Variants in SPIDR observed in about 807,000 individuals in gnomAD.
SPIDR encodes scaffold protein involved in DNA repair, also known as DNA repair-scaffolding protein.
Under a neutral mutation model 104.6 loss-of-function variants are expected in SPIDR, and 93 were observed. The ratio of observed to expected loss-of-function variants is 0.89; its 90% CI spans 0.75 to 1.06. SPIDR has a LOEUF of 1.06. Among genes scored for constraint, SPIDR ranks in the 50% least tolerant of loss-of-function variants. The pLI is 0.00. For missense variants in SPIDR, 1,154 were observed against 1,111.2 expected (o/e 1.04, Z -0.55); for synonymous variants, 431 against 416.9 (o/e 1.03, Z -0.41).
At chr8:47,592,279 G>A in intron 8 of SPIDR, 3 of 1,165,430 alleles carry the variant, frequency 2.6e-6, no homozygotes, top group South Asian at 2.4e-5. Context: ...ACAAGGCCTG[G>A]GTTGATAGCA....
intron 10 of SPIDR, among the ~76,000 whole-genome samples, chr8:47,645,343 G>A (rs1427232251): frequency 6.6e-6 from 1 of 152,122 alleles, no homozygotes; most frequent in Non-Finnish European, 1.5e-5. Flanking sequence ...GGAAGTGGGG[G>A]CTCAAGGATG....
intron 7 of SPIDR, among the ~76,000 whole-genome samples, chr8:47,424,652 G>A (rs529739685): frequency 6.6e-6 from 1 of 151,934 alleles, no homozygotes; most frequent in Non-Finnish European, 1.5e-5. Context: ...AACCTTCTTT[G>A]TTATACAGGA....
chr8:47,325,171 A>G (rs1563624061), intron 5 of SPIDR, among the ~76,000 whole-genome samples: 3 of 152,298 alleles, frequency 2.0e-5, no homozygotes, highest in African/African-American at 7.2e-5. Context: ...AAAAATGAAG[A>G]TGGAGATTTT....
At chr8:47,507,022 A>G (rs1190609663) in intron 8 of SPIDR, among the ~76,000 whole-genome samples, 4 of 152,168 alleles carry the variant, frequency 2.6e-5, no homozygotes, top group African/African-American at 9.7e-5. Flanking sequence ...GAGTGAGACA[A>G]GCATTCATAG....
chr8:47,287,191 G>A (rs2039008848), intron 3 of SPIDR, among the ~76,000 whole-genome samples: 1 of 150,466 alleles, frequency 6.6e-6, no homozygotes, highest in Non-Finnish European at 1.5e-5. Context: ...ATGCTTCAAA[G>A]GGCAAAAAGG....
intron 8 of SPIDR, among the ~76,000 whole-genome samples, chr8:47,499,913 A>G (rs553330120): frequency 3.0e-4 from 46 of 151,846 alleles, no homozygotes; most frequent in African/African-American, 1.1e-3. Context: ...TGTCCTTGCG[A>G]TAGTTTGCTG....
At chr8:47,573,414 A>G (rs1378612626) in intron 8 of SPIDR, among the ~76,000 whole-genome samples, 2 of 152,204 alleles carry the variant, frequency 1.3e-5, no homozygotes, top group Non-Finnish European at 2.9e-5. Context: ...ATAAGGCAGG[A>G]AGGTCAGAGT....
intron 14 of SPIDR, 25 bp downstream of exon 14, chr8:47,702,040 A>T (rs747250881): frequency 7.2e-7 from 1 of 1,379,444 alleles, no homozygotes; most frequent in Non-Finnish European, 9.4e-7. Context: ...CAATCTCTCA[A>T]TCTCTCAGCC....
intron 8 of SPIDR, among the ~76,000 whole-genome samples, chr8:47,524,381 A>G (rs777000387): frequency 2.0e-5 from 3 of 152,164 alleles, no homozygotes; most frequent in Non-Finnish European, 4.4e-5. Context: ...CCAGATTAAA[A>G]TGTGTGTATT....
chr8:47,290,366 TA>T (rs2039688516), intron 3 of SPIDR, among the ~76,000 whole-genome samples: 1 of 152,154 alleles, frequency 6.6e-6, no homozygotes, highest in African/African-American at 2.4e-5. Flanking sequence ...GGTGTAGCTA[TA>T]AAAAGGTAAT....
At chr8:47,582,440 C>G (rs368261452) in intron 8 of SPIDR, among the ~76,000 whole-genome samples, 2 of 152,050 alleles carry the variant, frequency 1.3e-5, no homozygotes, top group Admixed American at 1.3e-4. Context: ...GGTATTTCAC[C>G]GTTGACAGTG....
chr8:47,356,517 TAAAG>T (rs1330763074), intron 5 of SPIDR, among the ~76,000 whole-genome samples: 3 of 152,142 alleles, frequency 2.0e-5, no homozygotes, highest in Non-Finnish European at 2.9e-5. Flanking sequence ...GAAAAATAGT[TAAAG>T]AAAGGAGTGT....
intron 5 of SPIDR, among the ~76,000 whole-genome samples, chr8:47,323,907 A>G (rs2047222236): frequency 6.6e-6 from 1 of 152,178 alleles, no homozygotes; most frequent in Admixed American, 6.6e-5. Flanking sequence ...ATTGGAAACT[A>G]TTAGTTAAAC....
At chr8:47,538,704 T>C (rs1236538533) in intron 8 of SPIDR, among the ~76,000 whole-genome samples, 2 of 152,150 alleles carry the variant, frequency 1.3e-5, no homozygotes, top group African/African-American at 2.4e-5. Flanking sequence ...TGTCTTGCTT[T>C]ATAAAATAGA....
chr8:47,652,837 A>C (rs140682126), intron 10 of SPIDR, among the ~76,000 whole-genome samples: 1 of 152,326 alleles, frequency 6.6e-6, no homozygotes, highest in African/African-American at 2.4e-5. Context: ...TGCATTAGAC[A>C]GGACTGGTTT....
chr8:47,593,699 G>A (rs958178410), intron 8 of SPIDR, among the ~76,000 whole-genome samples: 2 of 152,196 alleles, frequency 1.3e-5, no homozygotes, highest in South Asian at 2.1e-4. Context: ...TTACTGCCAC[G>A]TGGAGAGGGA....
At chr8:47,314,598 TA>T (rs2044909541) in intron 5 of SPIDR, among the ~76,000 whole-genome samples, 1 of 152,126 alleles carries the variant, frequency 6.6e-6, no homozygotes, top group South Asian at 2.1e-4. Flanking sequence ...CAGATCTCCT[TA>T]GAACTCACTC....
At chr8:47,314,838 A>G (rs2044971939) in intron 5 of SPIDR, among the ~76,000 whole-genome samples, 1 of 152,216 alleles carries the variant, frequency 6.6e-6, no homozygotes, top group Admixed American at 6.5e-5. Context: ...GTTTTATTTG[A>G]AGGTAGAGAT....
At chr8:47,498,174 T>C (rs1213743120) in intron 8 of SPIDR, among the ~76,000 whole-genome samples, 1 of 152,008 alleles carries the variant, frequency 6.6e-6, no homozygotes, top group Non-Finnish European at 1.5e-5. Flanking sequence ...AGATGATGCC[T>C]CTCTCTCTCT....
Sources: gnomAD v4.1 joint callset for allele counts (sites outside exome capture counted in the v4.1 genomes callset) on GRCh38, gnomAD v4.1.1 for gene constraint, MANE v1.5 for transcripts, NCBI Gene and HGNC (gene_info 2026-07-23, HGNC 2026-07-21) for gene names.